AQR: variants seen among roughly 807,000 people sequenced by gnomAD.
AQR encodes RNA helicase aquarius.
AQR carries 61 observed loss-of-function variants against 180.5 expected under a neutral mutation model. That is an observed-to-expected ratio of 0.34 (90% CI 0.28 to 0.42). AQR has a LOEUF of 0.42. Among genes scored for constraint, AQR ranks in the 10% least tolerant of loss-of-function variants. The pLI is 1.00. For missense variants in AQR, 1,281 were observed against 1,798.3 expected (o/e 0.71, Z 5.20); for synonymous variants, 551 against 588.8 (o/e 0.94, Z 0.93).
At chr15:34,961,054 A>C (rs1009949446) in intron 2 of AQR, among the ~76,000 whole-genome samples, 1 of 152,220 alleles carries the variant, frequency 6.6e-6, no homozygotes, top group Non-Finnish European at 1.5e-5. Context: ...CATTAAAATG[A>C]TGTGCTTATA....
At chr15:34,890,455 A>G (rs999297560) in intron 23 of AQR, 131 bp from the exon 24 acceptor site, 1 of 677,322 alleles carries the variant, frequency 1.5e-6, no homozygotes, top group African/African-American at 1.9e-5. Flanking sequence ...ATCAAATAGT[A>G]TTTATATTGA....
At chr15:34,924,292 T>C (rs1017697004) in intron 13 of AQR, among the ~76,000 whole-genome samples, 2 of 152,170 alleles carry the variant, frequency 1.3e-5, no homozygotes, top group Non-Finnish European at 2.9e-5. Flanking sequence ...CAGAAGGAGA[T>C]CTGCAAATCT....
intron 12 of AQR, among the ~76,000 whole-genome samples, chr15:34,928,479 G>C (rs1245248772): frequency 6.6e-6 from 1 of 152,130 alleles, no homozygotes; most frequent in East Asian, 1.9e-4. Context: ...AGTTTGCTGA[G>C]GATGATAACT....
At chr15:34,885,432 T>G (rs1269077147) in intron 25 of AQR, among the ~76,000 whole-genome samples, 1 of 152,176 alleles carries the variant, frequency 6.6e-6, no homozygotes, top group Non-Finnish European at 1.5e-5. Flanking sequence ...AATAAAAATG[T>G]GGATTCCTGG....
Position 34,920,445 on chromosome 15 carries a change from G to C in AQR, c.1119-11C>G, listed in dbSNP as rs376130990. 2.3e-5 allele frequency: 37 copies of C among 1,580,936 alleles called. 2 individuals carry two copies. Among genetic ancestry groups the C allele is most frequent in the East Asian group, 9.0e-5 (4 of 44,638 alleles). On this transcript the variant is annotated splice_polypyrimidine_tract_variant and intron_variant, in intron 13 of 34. Transcript: ENST00000156471. Reference sequence around the variant, plus strand: ...TGGAGTGTGTTTGAACTGCAGAATAGAGAACAATATTTTATTCATAGTAAC... The same window carrying C: ...TGGAGTGTGTTTGAACTGCAGAATACAGAACAATATTTTATTCATAGTAAC...
chr15:34,967,787 G>A (rs1400161288), intron 1 of AQR, among the ~76,000 whole-genome samples: 1 of 152,116 alleles, frequency 6.6e-6, no homozygotes, highest in East Asian at 1.9e-4. Context: ...TAACCTAAGG[G>A]TAATTAGAAT....
At chr15:34,936,636 G>A (rs1893949137) in intron 9 of AQR, among the ~76,000 whole-genome samples, 1 of 151,722 alleles carries the variant, frequency 6.6e-6, no homozygotes. Flanking sequence ...GAATCACTTG[G>A]ACCCAGGAGG....
intron 7 of AQR, among the ~76,000 whole-genome samples, chr15:34,941,765 C>T (rs1334841489): frequency 6.6e-6 from 1 of 152,012 alleles, no homozygotes; most frequent in South Asian, 2.1e-4. Flanking sequence ...CTAAATTAAC[C>T]CCCTTTCTCT....
intron 18 of AQR, among the ~76,000 whole-genome samples, chr15:34,905,525 T>C (rs181086034): frequency 3.4e-4 from 52 of 152,144 alleles, no homozygotes; most frequent in Non-Finnish European, 7.2e-4. Flanking sequence ...TTCAGATGTT[T>C]AGCATCCTTG....
chr15:34,856,715 C>CAAATATA lies in AQR; in HGVS notation c.*70_*76dup. The CAAATATA allele has an allele frequency of 8.0e-7, 1 of 1,254,586 alleles. No homozygotes were observed. The highest frequency in any genetic ancestry group is 1.5e-5 in the African/African-American group (1 of 66,732). 77.7% of individuals were successfully genotyped at this position (1,254,586 alleles called of 1,614,324 possible). A position where few individuals can be genotyped will look rare whatever the true frequency, so the allele number is the denominator to read the frequency against. On this transcript the variant is annotated 3_prime_UTR_variant, in exon 35 of 35. Transcript: ENST00000156471. ...ATTAGTGACAGTAAAATGGCAGAAG[C>CAAATATA]AAATATAAAATACAAAAAACAGCTT...
chr15:34,943,463 A>G (rs1894059105), intron 6 of AQR: 1 of 482,434 alleles, frequency 2.1e-6, no homozygotes. Context: ...AAATAAATAA[A>G]TAAATAAATA....
Position 34,957,792 on chromosome 15 carries a change from A to C in AQR, c.173+2982T>G, listed in dbSNP as rs570764224. 4.0e-5 allele frequency among the ~76,000 whole-genome samples: 6 copies of C among 150,886 alleles called. No homozygotes were observed. The South Asian group carries it at 1.2e-3, about 31-fold the overall frequency. Reference sequence around the variant, plus strand: ...GAAAAAACATAAAACATAAAAAAACATAAAAAACAAAAAAATTAAAAAATA... The same window carrying C: ...GAAAAAACATAAAACATAAAAAAACCTAAAAAACAAAAAAATTAAAAAATA... On this transcript the variant is annotated intron_variant, in intron 3 of 34. Coordinates refer to ENST00000156471, the MANE Select transcript of AQR (RefSeq NM_014691.3).
At chr15:34,950,869 A>C (rs1197051261) in intron 4 of AQR, among the ~76,000 whole-genome samples, 2 of 152,196 alleles carry the variant, frequency 1.3e-5, no homozygotes, top group African/African-American at 4.8e-5. Context: ...TGTTTCTGCC[A>C]GATGTCCCAC....
chr15:34,882,316 C>T (rs1033710390), intron 27 of AQR, among the ~76,000 whole-genome samples, 186 bp downstream of exon 27: 1 of 151,736 alleles, frequency 6.6e-6, no homozygotes, highest in Admixed American at 6.6e-5. Context: ...ACCTAATGGA[C>T]ATATTACTAA....
At chr15:34,953,398 C>T (rs972866154) in intron 3 of AQR, among the ~76,000 whole-genome samples, 3 of 152,126 alleles carry the variant, frequency 2.0e-5, no homozygotes, top group East Asian at 1.9e-4. Context: ...TTAGCTTTAT[C>T]GTTTTATAAT....
intron 5 of AQR, 22 bp from the exon 6 acceptor site, chr15:34,944,450 T>G (rs770926665): frequency 2.5e-6 from 4 of 1,584,826 alleles, no homozygotes; most frequent in Non-Finnish European, 3.4e-6. Context: ...CAGAATAAAA[T>G]TCATTTTGTA....
At chr15:34,958,395 G>A (rs980534265) in intron 3 of AQR, among the ~76,000 whole-genome samples, 1 of 151,306 alleles carries the variant, frequency 6.6e-6, no homozygotes, top group African/African-American at 2.4e-5. Flanking sequence ...TTGTGCCTGT[G>A]GTGCCAGCTA....
intron 5 of AQR, among the ~76,000 whole-genome samples, chr15:34,947,464 C>A (rs1289886927): frequency 6.9e-6 from 1 of 145,870 alleles, no homozygotes; most frequent in African/African-American, 2.5e-5. Flanking sequence ...GTCCTGTGAC[C>A]CTGCCAAATC....
chr15:34,917,014 T>A (rs1309938629), intron 15 of AQR, among the ~76,000 whole-genome samples: 1 of 152,208 alleles, frequency 6.6e-6, no homozygotes, highest in Admixed American at 6.5e-5. Flanking sequence ...TATGTGCCCT[T>A]TCCTGGTTAC....
Sources: gnomAD v4.1 joint callset for allele counts (sites outside exome capture counted in the v4.1 genomes callset) on GRCh38, gnomAD v4.1.1 for gene constraint, MANE v1.5 for transcripts, NCBI Gene and HGNC (gene_info 2026-07-23, HGNC 2026-07-21) for gene names.